PBLD: variants seen among roughly 807,000 people sequenced by gnomAD.
The protein encoded by PBLD is phenazine biosynthesis like protein domain containing, also known as phenazine biosynthesis-like domain-containing protein.
PBLD carries 26 observed loss-of-function variants against 31.3 expected under a neutral mutation model. The ratio of observed to expected loss-of-function variants is 0.83; its 90% CI spans 0.61 to 1.15. The LOEUF (loss-of-function observed/expected upper bound fraction) is 1.15. PBLD is among the 50% of genes most tolerant of loss of function. The pLI, the probability that PBLD is intolerant of heterozygous loss-of-function variation, is 0.00. For synonymous variants in PBLD, 114 were observed against 129.0 expected (o/e 0.88, Z 0.79); for missense variants, 307 against 351.7 (o/e 0.87, Z 1.02).
chr10:68,319,088 A>C (rs1328444754), intron 1 of PBLD, among the ~76,000 whole-genome samples: 3 of 133,152 alleles, frequency 2.3e-5, no homozygotes, highest in African/African-American at 9.3e-5. Flanking sequence ...AGAAAGAAAG[A>C]AAGAAAGAAA....
At chr10:68,326,945 G>A (rs2044930780) in intron 1 of PBLD, among the ~76,000 whole-genome samples, 1 of 152,182 alleles carries the variant, frequency 6.6e-6, no homozygotes, top group Non-Finnish European at 1.5e-5. Context: ...TACTCGGGAG[G>A]CTGAGGCAAG....
intron 9 of PBLD, chr10:68,285,035 C>G (rs7081284): frequency 0.21 from 244,630 of 1,192,154 alleles, 26,636 homozygotes; most frequent in Admixed American, 0.33. Context: ...GAACCTTGGT[C>G]ATCATCCAGT....
At chr10:68,296,862 T>TAAA (rs60698417) in intron 3 of PBLD, 24 bp downstream of exon 3, 739 of 1,211,768 alleles carry the variant, frequency 6.1e-4, no homozygotes, top group Middle Eastern at 1.6e-3. Context: ...GAACAGTTCT[T>TAAA]AAAAAAAAAA....
At chr10:68,329,306 G>GGCAA (rs66505136) in intron 1 of PBLD, among the ~76,000 whole-genome samples, 14,942 of 151,996 alleles carry the variant, frequency 0.098, 1,049 homozygotes, top group South Asian at 0.21. Flanking sequence ...AAGAAATTAT[G>GGCAA]GCAAGCAAGC....
chr10:68,301,877 T>C (rs916052257), intron 2 of PBLD, among the ~76,000 whole-genome samples: 1 of 152,198 alleles, frequency 6.6e-6, no homozygotes, highest in African/African-American at 2.4e-5. Context: ...TTTGAATTTA[T>C]ATAACTGTAA....
intron 1 of PBLD, among the ~76,000 whole-genome samples, chr10:68,326,451 G>GA (rs1185020665): frequency 6.6e-6 from 1 of 152,144 alleles, no homozygotes; most frequent in African/African-American, 2.4e-5. Context: ...GCCTATATTG[G>GA]AAAATCAGCA....
At chr10:68,291,249 G>C (rs2044354564) in intron 6 of PBLD, among the ~76,000 whole-genome samples, 6 of 152,128 alleles carry the variant, frequency 3.9e-5, no homozygotes, top group Admixed American at 3.9e-4. Flanking sequence ...ACCTTACTGA[G>C]AAACATTGAG....
At position 68,298,757 on chromosome 10, in the gene PBLD, T is replaced by TACACACAC. The variant is rs57358655; in HGVS notation, c.85-1780_85-1773dup. On this transcript the variant is annotated intron_variant, in intron 2 of 9. Coordinates refer to ENST00000358769, the MANE Select transcript of PBLD (RefSeq NM_022129.4). The stretch of plus-strand genomic sequence containing the variant: ...GTGAAGATATATACATGCATACGAA[T>TACACACAC]ACACACACACACACACACACACACA... 4.1e-3 allele frequency among the ~76,000 whole-genome samples: 611 copies of TACACACAC among 147,272 alleles called. 5 individuals are homozygous for TACACACAC. Among genetic ancestry groups the TACACACAC allele is most frequent in the African/African-American group, 0.014 (561 of 39,578 alleles).
chr10:68,304,389 G>A (rs2044549011), intron 2 of PBLD, among the ~76,000 whole-genome samples: 2 of 152,116 alleles, frequency 1.3e-5, no homozygotes. Flanking sequence ...GAAGTGAATT[G>A]GAAAACTCTT....
At chr10:68,307,149 C>T (rs1224667036) in intron 1 of PBLD, among the ~76,000 whole-genome samples, 4 of 152,050 alleles carry the variant, frequency 2.6e-5, no homozygotes, top group Non-Finnish European at 5.9e-5. Context: ...CCTGCCTCAG[C>T]CTCTTGAGTA....
intron 2 of PBLD, among the ~76,000 whole-genome samples, chr10:68,300,031 C>T (rs1037158523): frequency 4.6e-5 from 7 of 152,014 alleles, no homozygotes; most frequent in African/African-American, 1.7e-4. Flanking sequence ...CCTGGGACTA[C>T]AGGTGCAGAC....
intron 1 of PBLD, among the ~76,000 whole-genome samples, chr10:68,316,134 T>C (rs187782795): frequency 6.6e-6 from 1 of 152,222 alleles, no homozygotes; most frequent in Admixed American, 6.5e-5. Context: ...TAATAAAAAC[T>C]GTCCCTGAGG....
At chr10:68,292,425 A>G (rs2044371926) in intron 4 of PBLD, among the ~76,000 whole-genome samples, 187 bp from the exon 5 acceptor site, 1 of 152,146 alleles carries the variant, frequency 6.6e-6, no homozygotes, top group Non-Finnish European at 1.5e-5. Context: ...GAGAACCAAG[A>G]ACATAACTGA....
intron 2 of PBLD, among the ~76,000 whole-genome samples, chr10:68,300,934 G>A (rs550682180): frequency 1.3e-5 from 2 of 152,084 alleles, no homozygotes; most frequent in Non-Finnish European, 2.9e-5. Context: ...ATCTCGCTCT[G>A]TCACCCAGGC....
chr10:68,319,071 G>GA lies in PBLD; in HGVS notation c.-59-12169dup, dbSNP rs1363979464. Among the ~76,000 whole-genome samples the GA allele has an allele frequency of 6.9e-3, 821 of 119,718 alleles. 17 individuals carry two copies. Among genetic ancestry groups the GA allele is most frequent in the African/African-American group, 0.027 (761 of 28,118 alleles). The allele number at this position is 119,718 out of a possible 152,430, so 78.5% of individuals were successfully genotyped here. On this transcript the variant is annotated intron_variant, in intron 1 of 9. Coordinates refer to ENST00000358769, the MANE Select transcript of PBLD (RefSeq NM_022129.4). ...AAAGAGAGAGAAAGAAAGAAAGAAA[G>GA]AAAGAAAGAAAGAAAGAAAGAAAGA... is the stretch of plus-strand genomic sequence containing the variant.
chr10:68,319,342 T>TA (rs2044797515), intron 1 of PBLD, among the ~76,000 whole-genome samples: 1 of 152,142 alleles, frequency 6.6e-6, no homozygotes, highest in African/African-American at 2.4e-5. Context: ...TTTAAGTGCT[T>TA]AAACTCTCCA....
Position 68,284,221 on chromosome 10 carries a change from TA to T in PBLD, c.822del (p.Arg275GlufsTer8), listed in dbSNP as rs776580925. Reference protein sequence around the residue: ...ISLRPDGRVDIRGGAAVVLEG... With the variant: ...ISLRPDGRVDXRGGAAVVLEG... The stretch of plus-strand genomic sequence containing the variant: ...TCTAAAACAACAGCTGCACCTCCTC[TA>T]ATGTCAACCCTTCCGTCTGGACGAA... On this transcript the variant is annotated frameshift_variant, in exon 10 of 10. Transcript: ENST00000358769. LOFTEE classifies it high-confidence loss of function. 3.1e-6 allele frequency: 5 copies of T among 1,613,954 alleles called. No homozygotes were observed. In the African/African-American group the frequency reaches 6.7e-5, roughly 22 times the overall value.
intron 1 of PBLD, among the ~76,000 whole-genome samples, chr10:68,328,667 C>A (rs2044963102): frequency 6.6e-6 from 1 of 152,194 alleles, no homozygotes; most frequent in African/African-American, 2.4e-5. Context: ...TTGGTTTTAA[C>A]CATCTCTATG....
intron 1 of PBLD, among the ~76,000 whole-genome samples, chr10:68,314,099 C>T (rs2044704453): frequency 1.3e-5 from 2 of 152,036 alleles, no homozygotes; most frequent in Non-Finnish European, 1.5e-5. Flanking sequence ...GCCTCAGCCT[C>T]CCGAGTAGCT....
Sources: gnomAD v4.1 joint callset for allele counts (sites outside exome capture counted in the v4.1 genomes callset) on GRCh38, gnomAD v4.1.1 for gene constraint, MANE v1.5 for transcripts, NCBI Gene and HGNC (gene_info 2026-07-23, HGNC 2026-07-21) for gene names.